The following MMP26 variants were observed in gnomAD, a reference collection of about 807,000 sequenced individuals.
The protein encoded by MMP26 is matrix metalloproteinase-26.
In MMP26, 33 loss-of-function variants were observed where a neutral mutation model predicts 31.0. That is an observed-to-expected ratio of 1.06 (90% CI 0.81 to 1.42). The LOEUF (loss-of-function observed/expected upper bound fraction) is 1.42, where lower values mean the gene tolerates loss of function less well. Among genes scored for constraint, MMP26 ranks in the 40% most tolerant of loss-of-function variants. The pLI, the probability that MMP26 is intolerant of heterozygous loss-of-function variation, is 0.00. For missense variants in MMP26, 347 were observed against 316.1 expected (o/e 1.10, Z -0.74); for synonymous variants, 122 against 114.9 (o/e 1.06, Z -0.40).
chr11:4,882,038 A>T (rs1380714418), intron 2 of MMP26: 1 of 1,613,764 alleles, frequency 6.2e-7, no homozygotes, highest in Admixed American at 1.7e-5. Context: ...AAACAGTATG[A>T]TCTTTCTTGT....
intron 2 of MMP26, among the ~76,000 whole-genome samples, chr11:4,869,288 G>A (rs990240511): frequency 6.6e-6 from 1 of 152,084 alleles, no homozygotes; most frequent in Non-Finnish European, 1.5e-5. Context: ...GCAACCTACA[G>A]AATGGGAGAA....
chr11:4,750,787 T>A (rs1355334958), intron 1 of MMP26, among the ~76,000 whole-genome samples: 1 of 151,628 alleles, frequency 6.6e-6, no homozygotes. Context: ...AGGGTGGAAG[T>A]GGGATAGGGG....
At chr11:4,919,432 A>G (rs942427046) in intron 2 of MMP26, 2 of 152,266 alleles carry the variant, frequency 1.3e-5, no homozygotes, top group African/African-American at 2.4e-5. Flanking sequence ...GACCCTTTCA[A>G]GGATCTTTAA....
chr11:4,714,899 A>ATCTCTCTCTC (rs71466199), intron 1 of MMP26, among the ~76,000 whole-genome samples: 1 of 132,494 alleles, frequency 7.5e-6, no homozygotes, highest in African/African-American at 2.8e-5. Context: ...AAAACCCCAA[A>ATCTCTCTCTC]TCTCTCTCTC....
At chr11:4,776,146 G>A (rs1848788477) in intron 2 of MMP26, among the ~76,000 whole-genome samples, 1 of 152,198 alleles carries the variant, frequency 6.6e-6, no homozygotes, top group East Asian at 1.9e-4. Flanking sequence ...TTGTGACCAA[G>A]TAGTATTCCA....
At chr11:4,722,854 G>T in intron 1 of MMP26, 2 of 839,242 alleles carry the variant, frequency 2.4e-6, no homozygotes, top group Non-Finnish European at 4.1e-6. Flanking sequence ...CCGCGCCAGA[G>T]CCAAAGCTGG....
At chr11:4,731,487 A>G (rs927511940) in intron 1 of MMP26, among the ~76,000 whole-genome samples, 4 of 152,176 alleles carry the variant, frequency 2.6e-5, no homozygotes, top group African/African-American at 9.7e-5. Flanking sequence ...ACGGCTAGCT[A>G]GGACATCTGG....
At chr11:4,794,519 G>T (rs1263721675) in intron 2 of MMP26, among the ~76,000 whole-genome samples, 3 of 152,098 alleles carry the variant, frequency 2.0e-5, no homozygotes, top group Non-Finnish European at 4.4e-5. Context: ...TGGTCGTTGG[G>T]TTGGAGCTTT....
At chr11:4,955,504 C>T in intron 2 of MMP26, 1 of 1,309,408 alleles carries the variant, frequency 7.6e-7, no homozygotes, top group Non-Finnish European at 1.1e-6. Flanking sequence ...CCAAGTCTGA[C>T]ATAGCCAACA....
chr11:4,718,791 C>G (rs1333681682), intron 1 of MMP26: 1 of 158,592 alleles, frequency 6.3e-6, no homozygotes, highest in Non-Finnish European at 1.4e-5. Context: ...TCCACGAACC[C>G]ATGTATTATT....
rs71050445 is a variant in MMP26, at chr11:4,986,905, T to TTCTCTCTC, written c.-144-1144_-144-1137dup. ...TCTGTGACTTCCTTCCTTCCTTCCT[T>TTCTCTCTC]TCTCTCTCTCTCTCTCTCTCTCTCT... On this transcript the variant is annotated intron_variant, in intron 2 of 7. Coordinates refer to ENST00000380390, the MANE Select transcript of MMP26 (RefSeq NM_021801.5). Among the ~76,000 whole-genome samples the TTCTCTCTC allele has an allele frequency of 7.3e-3, 353 of 48,558 alleles. 17 individuals carry two copies. The highest frequency in any genetic ancestry group is 0.017 in the Middle Eastern group (1 of 58). 31.9% of individuals were successfully genotyped at this position (48,558 alleles called of 152,430 possible). A position where few individuals can be genotyped will look rare whatever the true frequency, so the allele number is the denominator to read the frequency against.
intron 2 of MMP26, among the ~76,000 whole-genome samples, chr11:4,926,083 T>C (rs1469750): frequency 0.72 from 109,667 of 152,070 alleles, 40,195 homozygotes; most frequent in African/African-American, 0.84. Flanking sequence ...TAGAAGCACA[T>C]TGAAGGGCCT....
intron 1 of MMP26, among the ~76,000 whole-genome samples, chr11:4,763,903 A>G (rs12290571): frequency 0.085 from 13,014 of 152,240 alleles, 694 homozygotes; most frequent in Middle Eastern, 0.23. Flanking sequence ...TTAGTATTAA[A>G]TTTGATTCCT....
At chr11:4,908,272 G>A (rs779180803) in intron 2 of MMP26, 1 of 1,613,948 alleles carries the variant, frequency 6.2e-7, no homozygotes, top group African/African-American at 1.3e-5. Flanking sequence ...TCTGGGAGAA[G>A]ATCTTGGGGA....
intron 2 of MMP26, among the ~76,000 whole-genome samples, chr11:4,808,701 A>AT (rs1390287272): frequency 6.6e-6 from 1 of 150,528 alleles, no homozygotes; most frequent in Non-Finnish European, 1.5e-5. Context: ...CCATGAAGTT[A>AT]TGTCTCTCAG....
At chr11:4,742,294 G>T (rs11601734) in intron 1 of MMP26, among the ~76,000 whole-genome samples, 14,983 of 152,248 alleles carry the variant, frequency 0.098, 836 homozygotes, top group Non-Finnish European at 0.12. Context: ...TGGAATTATA[G>T]TGTGGATAGT....
intron 2 of MMP26, among the ~76,000 whole-genome samples, chr11:4,827,195 A>G (rs1425153516): frequency 1.3e-5 from 2 of 152,184 alleles, no homozygotes; most frequent in South Asian, 2.1e-4. Flanking sequence ...CACTAGAAGC[A>G]GCGAATTCAC....
chr11:4,740,453 G>A (rs1848297099), intron 1 of MMP26, among the ~76,000 whole-genome samples: 1 of 152,110 alleles, frequency 6.6e-6, no homozygotes. Context: ...GGAGGCCAAG[G>A]CAGGCGGATC....
chr11:4,864,586 C>T (rs1850209228), intron 2 of MMP26, among the ~76,000 whole-genome samples: 1 of 152,112 alleles, frequency 6.6e-6, no homozygotes, highest in South Asian at 2.1e-4. Flanking sequence ...CTAAAAGAGA[C>T]AATGCATGCT....
Sources: gnomAD v4.1 joint callset for allele counts (sites outside exome capture counted in the v4.1 genomes callset) on GRCh38, gnomAD v4.1.1 for gene constraint, MANE v1.5 for transcripts, NCBI Gene and HGNC (gene_info 2026-07-23, HGNC 2026-07-21) for gene names.